Variants in MYO1H observed in about 807,000 individuals in gnomAD.
MYO1H encodes unconventional myosin-Ih.
In MYO1H, 118 loss-of-function variants were observed where a neutral mutation model predicts 149.3. The observed-to-expected ratio is 0.79, with a 90% CI of 0.68 to 0.92. The LOEUF (loss-of-function observed/expected upper bound fraction) is 0.92. Among genes scored for constraint, MYO1H ranks in the 40% least tolerant of loss-of-function variants. The pLI is 0.00. For synonymous variants in MYO1H, 447 were observed against 465.2 expected (o/e 0.96, Z 0.50); for missense variants, 1,212 against 1,280.7 (o/e 0.95, Z 0.82).
exon 32 of MYO1H, chr12:109,447,189 A>T: frequency 6.3e-7 from 1 of 1,594,660 alleles, no homozygotes; most frequent in Non-Finnish European, 8.5e-7. Flanking sequence ...CTGATAGAGG[A>T]TGACGTCTGA....
chr12:109,336,596 A>G, the MYO1H span, among the ~76,000 whole-genome samples: 3 of 152,186 alleles, frequency 2.0e-5, no homozygotes, highest in Non-Finnish European at 4.4e-5. Context: ...CAGTTTAGCA[A>G]TTTCAGTAGA....
At chr12:109,384,617 C>T (rs1051804648) in intron 1 of MYO1H, among the ~76,000 whole-genome samples, 15 of 152,286 alleles carry the variant, frequency 9.8e-5, no homozygotes, top group African/African-American at 3.6e-4. Context: ...GGTGTCAGAA[C>T]TGAAATATTG....
intron 14 of MYO1H, among the ~76,000 whole-genome samples, chr12:109,412,977 GTTGTTATTA>G (rs1444563396): frequency 5.3e-5 from 8 of 150,676 alleles, no homozygotes; most frequent in African/African-American, 1.7e-4. Flanking sequence ...TGTTGTTGTT[GTTGTTATTA>G]TTATTATTTG....
intron 27 of MYO1H, 80 bp from the exon 28 acceptor site, chr12:109,443,434 A>C: frequency 1.3e-6 from 2 of 1,517,258 alleles, no homozygotes; most frequent in Non-Finnish European, 9.0e-7. Flanking sequence ...AATGCTTGAC[A>C]TCACTTTACC....
the MYO1H span, among the ~76,000 whole-genome samples, chr12:109,326,916 A>G: frequency 1.3e-5 from 2 of 151,960 alleles, no homozygotes; most frequent in Admixed American, 1.3e-4. Context: ...TATTCTGCCA[A>G]ACTTATAAAC....
the MYO1H span, among the ~76,000 whole-genome samples, chr12:109,313,278 T>C: frequency 6.6e-6 from 1 of 151,966 alleles, no homozygotes; most frequent in Non-Finnish European, 1.5e-5. Flanking sequence ...CCCCACAAGT[T>C]CTCACAGGAG....
chr12:109,413,156 G>A (rs924370778), intron 14 of MYO1H, among the ~76,000 whole-genome samples: 1 of 151,978 alleles, frequency 6.6e-6, no homozygotes, highest in African/African-American at 2.4e-5. Context: ...TGTATTTTTA[G>A]TAGAGGTGGG....
chr12:109,418,696 C>CCACGA (rs10631374), intron 15 of MYO1H, among the ~76,000 whole-genome samples: 1 of 151,986 alleles, frequency 6.6e-6, no homozygotes, highest in Admixed American at 6.6e-5. Flanking sequence ...CTACAGGCAC[C>CCACGA]CCACGCCCGG....
chr12:109,358,815 C>A, intron 1 of MYO1H, among the ~76,000 whole-genome samples: 1 of 136,454 alleles, frequency 7.3e-6, no homozygotes, highest in African/African-American at 2.9e-5. Context: ...TTTTTTCCTC[C>A]ACCACTTCTG....
At chr12:109,376,206 G>C (rs985149069) in intron 1 of MYO1H, among the ~76,000 whole-genome samples, 3 of 152,098 alleles carry the variant, frequency 2.0e-5, no homozygotes, top group Non-Finnish European at 4.4e-5. Flanking sequence ...CAATTTTAGA[G>C]CATTTCAACA....
At chr12:109,381,479 T>G (rs774537385) in intron 1 of MYO1H, among the ~76,000 whole-genome samples, 1 of 152,190 alleles carries the variant, frequency 6.6e-6, no homozygotes, top group Non-Finnish European at 1.5e-5. Flanking sequence ...AGATTCCCAC[T>G]GGCCAAATTT....
chr12:109,393,104 G>A (rs748169321), intron 2 of MYO1H, among the ~76,000 whole-genome samples: 7 of 152,062 alleles, frequency 4.6e-5, no homozygotes, highest in Non-Finnish European at 8.8e-5. Flanking sequence ...CACCGCGCCC[G>A]GCCATGTACA....
rs773748878 is a variant in MYO1H at position 109,435,106 on chromosome 12, T to A, written c.2133T>A (p.His711Gln). The change falls in exon 21 of 32, where the codon CAT becomes CAA. Residue 711 changes from histidine (H) to glutamine (Q), a missense_variant. Coordinates refer to ENST00000310903, the Ensembl canonical transcript of MYO1H. Reference sequence around the variant, plus strand: ...AAGATGCCTTTGAATTTAGTAAACATCAACTAGGTATGATTTCTTTTTCTG... The same window carrying A: ...AAGATGCCTTTGAATTTAGTAAACAACAACTAGGTATGATTTCTTTTTCTG... 2.5e-6 allele frequency: 4 copies of A among 1,593,716 alleles called. No individual in the cohort carries two copies. The Admixed American group carries it at 5.1e-5, about 20-fold the overall frequency.
In MYO1H at chr12:109,385,278, C is replaced by CT. The variant is rs1170519447; in HGVS notation, c.13-3398dup. On this transcript the variant is annotated intron_variant, in intron 1 of 31. Coordinates refer to ENST00000310903, the Ensembl canonical transcript of MYO1H. ...AATATTTGGGATTACTAAAATGTTT[C>CT]TTTTTTTCTTTCTTTCTTTTCTTTT... is the stretch of plus-strand genomic sequence containing the variant. Among the ~76,000 whole-genome samples, 163 of 149,686 alleles carry CT rather than the reference C, an allele frequency of 1.1e-3. 1 individual carries two copies. The highest frequency in any genetic ancestry group is 3.3e-3 in the African/African-American group (137 of 40,980).
At chr12:109,444,117 G>A (rs1486939610) in intron 28 of MYO1H, 96 bp from the exon 29 acceptor site, 3 of 889,856 alleles carry the variant, frequency 3.4e-6, no homozygotes, top group Non-Finnish European at 5.7e-6. Flanking sequence ...GGAGAATGAA[G>A]TGTGGTGTTG....
rs368710996 is a variant in MYO1H at position 109,397,841 on chromosome 12, T to C, written c.570+29T>C. The C allele has an allele frequency of 8.4e-6, 13 of 1,540,324 alleles. 1 individual carries two copies. The highest frequency in any genetic ancestry group is 1.1e-5 in the Non-Finnish European group (12 of 1,134,304). On this transcript the variant is annotated intron_variant, in intron 5 of 31. Coordinates refer to ENST00000310903, the Ensembl canonical transcript of MYO1H. The stretch of plus-strand genomic sequence containing the variant: ...CACTGAAGCTCCTATTACTGGTTCA[T>C]GGGGACCCCTTATTTTGCCAGTGAC...
At chr12:109,411,148 T>A (rs1005636263) in intron 13 of MYO1H, among the ~76,000 whole-genome samples, 3 of 151,264 alleles carry the variant, frequency 2.0e-5, no homozygotes, top group Non-Finnish European at 2.9e-5. Context: ...TCTCAAAAAA[T>A]AAAAATAAAA....
At chr12:109,430,440 G>C (rs1026187345) in intron 19 of MYO1H, among the ~76,000 whole-genome samples, 1 of 152,140 alleles carries the variant, frequency 6.6e-6, no homozygotes, top group Non-Finnish European at 1.5e-5. Context: ...CTGGTATTGC[G>C]CAAGGTCTGC....
the MYO1H span, among the ~76,000 whole-genome samples, chr12:109,333,967 CTTA>C: frequency 3.8e-3 from 573 of 151,940 alleles, 4 homozygotes; most frequent in African/African-American, 0.013. Flanking sequence ...TATATATTTA[CTTA>C]TTATTTATTT....
Sources: gnomAD v4.1 joint callset for allele counts (sites outside exome capture counted in the v4.1 genomes callset) on GRCh38, gnomAD v4.1.1 for gene constraint, MANE v1.5 for transcripts, NCBI Gene and HGNC (gene_info 2026-07-23, HGNC 2026-07-21) for gene names.